Variants in OR2M3 observed in about 807,000 individuals in gnomAD.
The protein encoded by OR2M3 is olfactory receptor 2M3.
A neutral mutation model predicts 4.3 loss-of-function variants in OR2M3; 1 was observed. That is an observed-to-expected ratio of 0.23 (90% CI 0.08 to 1.11). The LOEUF (loss-of-function observed/expected upper bound fraction) is 1.11. OR2M3 is among the 50% of genes most tolerant of loss of function. The probability of loss-of-function intolerance (pLI) is 0.54; values close to 1 mark genes in which losing one functional copy is unlikely to be tolerated. For synonymous variants in OR2M3, 151 were observed against 139.4 expected, an observed-to-expected ratio of 1.08 and a Z score of -0.59; for missense variants, 410 against 390.4, an observed-to-expected ratio of 1.05 and a Z score of -0.42.
chr1:248,197,384 G>T (rs186245717), intron 1 of OR2M3, 83 bp downstream of exon 1: 2 of 152,184 alleles, frequency 1.3e-5, no homozygotes, highest in African/African-American at 4.8e-5. Context: ...ACATGGTGAT[G>T]ATTGATCTCA....
Position 248,208,073 on chromosome 1 carries a change from CTT to C in OR2M3, c.*4073_*4074del, listed in dbSNP as rs574064260. The C allele has an allele frequency of 2.0e-5, 3 of 151,860 alleles. No homozygotes were observed. Among genetic ancestry groups the C allele is most frequent in the African/African-American group, 7.3e-5 (3 of 41,358 alleles). The allele number at this position is 151,860 out of a possible 1,614,324, so 9.4% of individuals were successfully genotyped here. A position where few individuals can be genotyped will look rare whatever the true frequency, so the allele number is the denominator to read the frequency against. On this transcript the variant is annotated 3_prime_UTR_variant, in exon 2 of 2. Transcript: ENST00000641626. ...ATCATTACAAAATGTCCCTCTTTGT[CTT>C]TTTTTAACTGCTCTTGCTTTAAAGT...
In OR2M3 at chr1:248,209,813, C is replaced by A. The variant is rs1370499944; in HGVS notation, c.*5807C>A. On this transcript the variant is annotated 3_prime_UTR_variant, in exon 2 of 2. Coordinates refer to ENST00000641626, the MANE Select transcript of OR2M3 (RefSeq NM_001004689.2). ...TGCTTTCCAGAGTGCATCAGCGGCC[C>A]TTAGGGAGGATGCAAACTTGCCCTA... The A allele has an allele frequency of 6.6e-6, 1 of 152,302 alleles. No homozygotes were observed. The highest frequency in any genetic ancestry group is 1.5e-5 in the Non-Finnish European group (1 of 68,222). The allele number at this position is 152,302 out of a possible 1,614,324, so 9.4% of individuals were successfully genotyped here.
Position 248,208,530 on chromosome 1 carries a change from C to G in OR2M3, c.*4524C>G, listed in dbSNP as rs937040355. The G allele has an allele frequency of 2.8e-4, 42 of 152,222 alleles. 1 individual carries two copies. The highest frequency in any genetic ancestry group is 9.1e-4 in the African/African-American group (38 of 41,552). The allele number at this position is 152,222 out of a possible 1,614,324, so 9.4% of individuals were successfully genotyped here. On this transcript the variant is annotated 3_prime_UTR_variant, in exon 2 of 2. Transcript: ENST00000641626. ...TGCAGGCTTGATAGTGTTGAATTCTCTCAGCATTTGTTTGTCTGAAAAAGA... is the reference window on the plus strand; with the variant it reads ...TGCAGGCTTGATAGTGTTGAATTCTGTCAGCATTTGTTTGTCTGAAAAAGA...
intron 1 of OR2M3, among the ~76,000 whole-genome samples, chr1:248,201,518 A>G (rs1329480935): frequency 6.6e-6 from 1 of 152,050 alleles, no homozygotes; most frequent in Non-Finnish European, 1.5e-5. Flanking sequence ...ATATGTATAC[A>G]TGTGCCATGC....
chr1:248,198,460 ATT>A (rs1666121954), intron 1 of OR2M3, among the ~76,000 whole-genome samples: 1 of 152,108 alleles, frequency 6.6e-6, no homozygotes, highest in African/African-American at 2.4e-5. Flanking sequence ...TGCTATGCTC[ATT>A]TTTGCTAATA....
rs376696817 is a variant in OR2M3, at chr1:248,202,263, T to TC, written c.-18-782dup. On this transcript the variant is annotated intron_variant, in intron 1 of 1. Transcript: ENST00000641626. Reference sequence around the variant, plus strand: ...CAGATGCACCACTCTAATCCCTGCCTCCCCCATCACACGGTAATCCCCAGT... The same window carrying TC: ...CAGATGCACCACTCTAATCCCTGCCTCCCCCCATCACACGGTAATCCCCAGT... 2.3e-3 allele frequency among the ~76,000 whole-genome samples: 295 copies of TC among 130,648 alleles called. 3 individuals carry two copies. In the Middle Eastern group the frequency reaches 0.027, roughly 12 times the overall value. 85.7% of individuals were successfully genotyped at this position (130,648 alleles called of 152,430 possible). A position where few individuals can be genotyped will look rare whatever the true frequency, so the allele number is the denominator to read the frequency against.
chr1:248,203,704 AT>A lies in OR2M3; in HGVS notation c.638del (p.Ile213ThrfsTer73). The A allele has an allele frequency of 6.2e-7, 1 of 1,612,826 alleles. No homozygotes were observed. Among genetic ancestry groups the A allele is most frequent in the Non-Finnish European group, 8.5e-7 (1 of 1,179,784 alleles). ...CIVMIVFPVA[I>X]IIASYARVIL... ...AGTAATGATTGTTTTCCCTGTTGCA[AT>A]CATCATTGCTTCCTATGCTCGAGTT... On this transcript the variant is annotated frameshift_variant, in exon 2 of 2. Transcript: ENST00000641626. LOFTEE classifies it high-confidence loss of function.
In OR2M3 at chr1:248,209,444, A is replaced by C. The variant is rs767236552; in HGVS notation, c.*5438A>C. ...TGGTTCCTTCTTATTTGGGTAGACT[A>C]TGTCAGAGGGAAGACCTGGGATTCA... On this transcript the variant is annotated 3_prime_UTR_variant, in exon 2 of 2. Coordinates refer to ENST00000641626, the MANE Select transcript of OR2M3 (RefSeq NM_001004689.2). 5.9e-5 allele frequency: 9 copies of C among 152,018 alleles called. No individual in the cohort carries two copies. Among genetic ancestry groups the C allele is most frequent in the Non-Finnish European group, 1.2e-4 (8 of 68,018 alleles). The allele number at this position is 152,018 out of a possible 1,614,324, so 9.4% of individuals were successfully genotyped here.
Position 248,204,650 on chromosome 1 carries a change from C to T in OR2M3, c.*644C>T, listed in dbSNP as rs1443011635. 1 of 151,070 alleles carries T rather than the reference C, an allele frequency of 6.6e-6. No homozygotes were observed. The highest frequency in any genetic ancestry group is 1.9e-4 in the East Asian group (1 of 5,186). 9.4% of individuals were successfully genotyped at this position (151,070 alleles called of 1,614,324 possible). On this transcript the variant is annotated 3_prime_UTR_variant, in exon 2 of 2. Transcript: ENST00000641626. ...ATATATACGTATATATATACACACA[C>T]ACATATATATATATAACCTTTTCTT...
At chr1:248,203,029 A>G in intron 1 of OR2M3, 21 bp from the exon 2 acceptor site, 1 of 1,567,318 alleles carries the variant, frequency 6.4e-7, no homozygotes, top group Non-Finnish European at 8.7e-7. Context: ...CCAAATTAAT[A>G]CGCTGGTTTT....
At chr1:248,200,494 G>A (rs1223576058) in intron 1 of OR2M3, among the ~76,000 whole-genome samples, 1 of 152,064 alleles carries the variant, frequency 6.6e-6, no homozygotes, top group East Asian at 1.9e-4. Flanking sequence ...GACATTGACT[G>A]GACCTAGATC....
chr1:248,204,232 A>T lies in OR2M3; in HGVS notation c.*226A>T. On this transcript the variant is annotated 3_prime_UTR_variant, in exon 2 of 2. Coordinates refer to ENST00000641626, the MANE Select transcript of OR2M3 (RefSeq NM_001004689.2). ...TAAGTCATTTCCAATAAGAATATTA[A>T]AGTTTTAAAAATTATTTTTAATTTC... 2.6e-6 allele frequency: 1 copy of T among 388,092 alleles called. No homozygotes were observed. Among genetic ancestry groups the T allele is most frequent in the South Asian group, 5.5e-5 (1 of 18,030 alleles). 24.0% of individuals were successfully genotyped at this position (388,092 alleles called of 1,614,324 possible). A position where few individuals can be genotyped will look rare whatever the true frequency, so the allele number is the denominator to read the frequency against.
Position 248,203,298 on chromosome 1 carries a change from C to A in OR2M3, c.231C>A (p.Thr77=). The change falls in exon 2 of 2, where the codon ACC becomes ACA. Residue 77 remains threonine, a synonymous_variant. Coordinates refer to ENST00000641626, the MANE Select transcript of OR2M3 (RefSeq NM_001004689.2). ...SLMDLMLICT[T]VPKMAFNYLS... ...TGGACCTCATGCTCATCTGCACCAC[C>A]GTACCCAAGATGGCCTTCAACTACC... 6.2e-7 allele frequency: 1 copy of A among 1,614,102 alleles called. No individual in the cohort carries two copies. The highest frequency in any genetic ancestry group is 8.5e-7 in the Non-Finnish European group (1 of 1,180,006).
rs1465728591 is a variant in OR2M3, at chr1:248,211,908, A to C, written c.*7902A>C. ...TCTTAGTTGCACAGGCTTTATTTATATTATTGATTCACAAGAGAATCAAAT... is the reference window on the plus strand; with the variant it reads ...TCTTAGTTGCACAGGCTTTATTTATCTTATTGATTCACAAGAGAATCAAAT... On this transcript the variant is annotated 3_prime_UTR_variant, in exon 2 of 2. Coordinates refer to ENST00000641626, the MANE Select transcript of OR2M3 (RefSeq NM_001004689.2). 3.3e-5 allele frequency: 5 copies of C among 152,194 alleles called. No homozygotes were observed. Among genetic ancestry groups the C allele is most frequent in the Admixed American group, 6.5e-5 (1 of 15,284 alleles). 9.4% of individuals were successfully genotyped at this position (152,194 alleles called of 1,614,324 possible). A position where few individuals can be genotyped will look rare whatever the true frequency, so the allele number is the denominator to read the frequency against.
chr1:248,197,752 A>G (rs2103012380), intron 1 of OR2M3, among the ~76,000 whole-genome samples: 1 of 152,208 alleles, frequency 6.6e-6, no homozygotes, highest in South Asian at 2.1e-4. Flanking sequence ...CAAAATCAGA[A>G]CCTTTTCAGT....
rs113872395 is a variant in OR2M3, at chr1:248,208,393, A to G, written c.*4387A>G. 1.9e-4 allele frequency: 29 copies of G among 152,044 alleles called. No individual in the cohort carries two copies. The highest frequency in any genetic ancestry group is 6.3e-4 in the African/African-American group (26 of 41,506). The allele number at this position is 152,044 out of a possible 1,614,324, so 9.4% of individuals were successfully genotyped here. A position where few individuals can be genotyped will look rare whatever the true frequency, so the allele number is the denominator to read the frequency against. ...ATCTGAAGTTTTTTTGTTTGTTTTC[A>G]TTATGTTATTGTTATATAGGTCCTG... is the stretch of plus-strand genomic sequence containing the variant. On this transcript the variant is annotated 3_prime_UTR_variant, in exon 2 of 2. Transcript: ENST00000641626.
At chr1:248,199,440 A>G (rs1666132923) in intron 1 of OR2M3, among the ~76,000 whole-genome samples, 1 of 152,064 alleles carries the variant, frequency 6.6e-6, no homozygotes, top group African/African-American at 2.4e-5. Flanking sequence ...ATTTCGCCAC[A>G]GGTCCATTTT....
chr1:248,197,822 C>A (rs1328687673), intron 1 of OR2M3, among the ~76,000 whole-genome samples: 1 of 152,084 alleles, frequency 6.6e-6, no homozygotes, highest in Non-Finnish European at 1.5e-5. Context: ...CTCCCATACA[C>A]AAAATTGTTT....
chr1:248,203,352 T>C lies in OR2M3; in HGVS notation c.285T>C (p.Ala95=). The change falls in exon 2 of 2, where the codon GCT becomes GCC. Residue 95 remains alanine, a synonymous_variant. Transcript: ENST00000641626. The stretch of plus-strand genomic sequence containing the variant: ...CTGGCAGCAAGTCCATTTCTATGGC[T>C]GGTTGTGCCACACAAATTTTCTTCT... ...YLSGSKSISM[A]GCATQIFFYT... The C allele has an allele frequency of 6.2e-7, 1 of 1,614,148 alleles. No individual in the cohort carries two copies. Among genetic ancestry groups the C allele is most frequent in the Non-Finnish European group, 8.5e-7 (1 of 1,180,024 alleles).
Sources: allele counts gnomAD v4.1 joint callset (sites outside exome capture counted in the v4.1 genomes callset), GRCh38; gene constraint gnomAD v4.1.1; transcripts MANE v1.5; gene names NCBI Gene and HGNC (gene_info 2026-07-23, HGNC 2026-07-21).